RPGRIP1L: variants seen among roughly 807,000 people sequenced by gnomAD.
RPGRIP1L encodes the protein protein fantom.
RPGRIP1L carries 131 observed loss-of-function variants against 160.4 expected under a neutral mutation model. That is an observed-to-expected ratio of 0.82 (90% CI 0.71 to 0.94). The LOEUF (loss-of-function observed/expected upper bound fraction) is 0.94, where lower values mean the gene tolerates loss of function less well. Ranked by LOEUF, RPGRIP1L falls within the 40% of genes least tolerant of loss-of-function variation. The pLI is 0.00. For synonymous variants in RPGRIP1L, 510 were observed against 515.8 expected (o/e 0.99, Z 0.15); for missense variants, 1,522 against 1,535.8 (o/e 0.99, Z 0.15).
intron 2 of RPGRIP1L, among the ~76,000 whole-genome samples, chr16:53,698,271 G>A (rs1208410170): frequency 1.3e-5 from 2 of 150,686 alleles, no homozygotes; most frequent in Admixed American, 6.6e-5. Context: ...GGAGGGAGGT[G>A]GGGGGTCAGC....
At chr16:53,700,605 G>T in intron 2 of RPGRIP1L, 34 bp downstream of exon 2, 1 of 1,515,750 alleles carries the variant, frequency 6.6e-7, no homozygotes, top group Non-Finnish European at 9.2e-7. Flanking sequence ...AGTGATCAAA[G>T]TTCATAACTG....
chr16:53,673,863 C>G (rs377511032), intron 7 of RPGRIP1L, among the ~76,000 whole-genome samples: 35 of 152,204 alleles, frequency 2.3e-4, no homozygotes, highest in African/African-American at 7.9e-4. Flanking sequence ...ATGTCAACTT[C>G]CAAAAGAGCT....
intron 21 of RPGRIP1L, among the ~76,000 whole-genome samples, chr16:53,636,852 CTTA>C (rs1965866753): frequency 6.6e-6 from 1 of 151,496 alleles, no homozygotes; most frequent in African/African-American, 2.4e-5. Flanking sequence ...CAATGCTATT[CTTA>C]TTATTTTAAA....
In RPGRIP1L at chr16:53,645,747, C is replaced by T. The variant is rs867090245; in HGVS notation, c.2561G>A (p.Arg854Gln). ...FPVPMNMDLD[R>Q]YLKSESLSFY... ...ACTCAGAGACTCTGACTTAAGGTAT[C>T]GATCCAAGTCCATATTCATTGGCAC... The change falls in exon 17 of 27, where the codon CGA (arginine) becomes CAA (glutamine). Residue 854 changes from arginine (R) to glutamine (Q), a missense_variant. Transcript: ENST00000647211. 1.9e-6 allele frequency: 3 copies of T among 1,614,026 alleles called. No homozygotes were observed. The highest frequency in any genetic ancestry group is 2.2e-5 in the East Asian group (1 of 44,884).
In RPGRIP1L at chr16:53,603,350, A is replaced by G. The variant is rs181157435; in HGVS notation, c.3836-1162T>C. On this transcript the variant is annotated intron_variant, in intron 26 of 26. Transcript: ENST00000647211. ...TATAGTTTCTGTTTTTTTCTTTTAGACAGTATCTGGCTCTGTCACCCAGGC... is the reference window on the plus strand; with the variant it reads ...TATAGTTTCTGTTTTTTTCTTTTAGGCAGTATCTGGCTCTGTCACCCAGGC... 9.5e-4 allele frequency among the ~76,000 whole-genome samples: 145 copies of G among 152,236 alleles called. No individual in the cohort carries two copies. The East Asian group carries it at 0.023, about 24-fold the overall frequency.
intron 25 of RPGRIP1L, among the ~76,000 whole-genome samples, chr16:53,609,193 G>A (rs1203148432): frequency 6.6e-6 from 1 of 152,078 alleles, no homozygotes; most frequent in Non-Finnish European, 1.5e-5. Context: ...GGCTCAAGCG[G>A]TCCTTCCTCC....
chr16:53,690,990 G>A (rs1770183643), intron 4 of RPGRIP1L, among the ~76,000 whole-genome samples: 1 of 152,200 alleles, frequency 6.6e-6, no homozygotes, highest in South Asian at 2.1e-4. Flanking sequence ...CCTCCTGCCT[G>A]TGTGGAGGCC....
At position 53,598,241 on chromosome 16, in the gene RPGRIP1L, G is replaced by A. The variant is rs1053335070; in HGVS notation, c.*3835C>T. On this transcript the variant is annotated 3_prime_UTR_variant, in exon 27 of 27. Coordinates refer to ENST00000647211, the MANE Select transcript of RPGRIP1L (RefSeq NM_015272.5). Reference sequence around the variant, plus strand: ...TAATGCTGTTCTAGGGATGAAAAAGGTGACTCTCAATAGAGTGAGAAGAGG... The same window carrying A: ...TAATGCTGTTCTAGGGATGAAAAAGATGACTCTCAATAGAGTGAGAAGAGG... 1 of 152,064 alleles carries A rather than the reference G, an allele frequency of 6.6e-6. No individual in the cohort carries two copies. Among genetic ancestry groups the A allele is most frequent in the Non-Finnish European group, 1.5e-5 (1 of 68,000 alleles). 9.4% of individuals were successfully genotyped at this position (152,064 alleles called of 1,614,324 possible).
chr16:53,636,377 T>C, intron 22 of RPGRIP1L, 62 bp downstream of exon 22: 1 of 1,081,188 alleles, frequency 9.2e-7, no homozygotes, highest in Non-Finnish European at 1.4e-6. Context: ...AGACTACATA[T>C]GTACTGTGAA....
chr16:53,670,335 T>G (rs187363311), intron 9 of RPGRIP1L, among the ~76,000 whole-genome samples: 65 of 152,338 alleles, frequency 4.3e-4, no homozygotes, highest in Admixed American at 3.0e-3. Context: ...ATGGTTATTT[T>G]CTGAGGTTTC....
intron 3 of RPGRIP1L, among the ~76,000 whole-genome samples, chr16:53,692,633 T>C (rs924152287): frequency 6.6e-6 from 1 of 152,238 alleles, no homozygotes; most frequent in East Asian, 1.9e-4. Flanking sequence ...TTACTCCATA[T>C]GTTCCTGAAA....
rs955980662 is a variant in RPGRIP1L at position 53,618,691 on chromosome 16, G to A, written c.3616+334C>T. Among the ~76,000 whole-genome samples the A allele has an allele frequency of 3.3e-5, 5 of 152,014 alleles. No homozygotes were observed. In the South Asian group the frequency reaches 6.2e-4, roughly 19 times the overall value. Reference sequence around the variant, plus strand: ...CCTGAGTAGCTGGGACTACAGGAGCGCAACACCATGCCCGGCTAATTTTTG... The same window carrying A: ...CCTGAGTAGCTGGGACTACAGGAGCACAACACCATGCCCGGCTAATTTTTG... On this transcript the variant is annotated intron_variant, in intron 24 of 26. Coordinates refer to ENST00000647211, the MANE Select transcript of RPGRIP1L (RefSeq NM_015272.5).
chr16:53,690,640 T>C (rs1397541883), intron 4 of RPGRIP1L, among the ~76,000 whole-genome samples: 2 of 152,206 alleles, frequency 1.3e-5, no homozygotes, highest in Non-Finnish European at 2.9e-5. Context: ...TATTTTTATT[T>C]AGTATAAAAG....
rs748922869 is a variant in RPGRIP1L, at chr16:53,601,528, A to C, written c.*548T>G. 6.4e-6 allele frequency: 1 copy of C among 155,218 alleles called. No homozygotes were observed. Among genetic ancestry groups the C allele is most frequent in the Non-Finnish European group, 1.4e-5 (1 of 69,642 alleles). The allele number at this position is 155,218 out of a possible 1,614,324, so 9.6% of individuals were successfully genotyped here. A position where few individuals can be genotyped will look rare whatever the true frequency, so the allele number is the denominator to read the frequency against. On this transcript the variant is annotated 3_prime_UTR_variant, in exon 27 of 27. Coordinates refer to ENST00000647211, the MANE Select transcript of RPGRIP1L (RefSeq NM_015272.5). The stretch of plus-strand genomic sequence containing the variant: ...TCAAAGAAAATGCATACTGAGCTTT[A>C]ATGTGCATAAAATGGATATTAGCAT...
Position 53,641,392 on chromosome 16 carries a change from G to A in RPGRIP1L, c.2767C>T (p.Pro923Ser), listed in dbSNP as rs572508334. The A allele has an allele frequency of 3.1e-6, 5 of 1,614,022 alleles. No individual in the cohort carries two copies. The African/African-American group carries it at 4.0e-5, about 13-fold the overall frequency. The change falls in exon 18 of 27, where the codon CCA becomes TCA. Residue 923 changes from proline to serine, a missense_variant. Coordinates refer to ENST00000647211, the MANE Select transcript of RPGRIP1L (RefSeq NM_015272.5). ...ILKWKFAYLP[P>S]SGSITTEDLG... ...TCTTCAGTTGTTATTGATCCACTTG[G>A]TGGAAGGTAAGCAAATTTCCATTTC...
intron 9 of RPGRIP1L, among the ~76,000 whole-genome samples, chr16:53,669,388 C>T (rs184202778): frequency 1.1e-3 from 174 of 151,470 alleles, no homozygotes; most frequent in African/African-American, 3.9e-3. Context: ...ATAAACTTCA[C>T]GTGTGAGCAG....
intron 24 of RPGRIP1L, among the ~76,000 whole-genome samples, chr16:53,614,501 ATTGT>A (rs1211554670): frequency 5.3e-5 from 8 of 152,340 alleles, no homozygotes; most frequent in Admixed American, 2.6e-4. Context: ...ATTGAGAAAC[ATTGT>A]TTGGCCCAAC....
At chr16:53,648,613 T>TGCGC (rs113828309) in intron 16 of RPGRIP1L, among the ~76,000 whole-genome samples, 78 of 133,224 alleles carry the variant, frequency 5.9e-4, no homozygotes, top group South Asian at 5.2e-3. Flanking sequence ...CGTACGCGCG[T>TGCGC]GCGCGCGCGC....
At chr16:53,688,036 T>C in intron 4 of RPGRIP1L, 71 bp from the exon 5 acceptor site, 1 of 909,864 alleles carries the variant, frequency 1.1e-6, no homozygotes, top group Non-Finnish European at 1.8e-6. Flanking sequence ...TTTGCTATAA[T>C]AAGGATATTT....
Sources: gnomAD v4.1 joint callset for allele counts (sites outside exome capture counted in the v4.1 genomes callset) on GRCh38, gnomAD v4.1.1 for gene constraint, MANE v1.5 for transcripts, NCBI Gene and HGNC (gene_info 2026-07-23, HGNC 2026-07-21) for gene names.